RHOJ: variants seen among roughly 807,000 people sequenced by gnomAD.
RHOJ encodes ras homolog family member J, also known as rho-related GTP-binding protein RhoJ.
RHOJ carries 11 observed loss-of-function variants against 23.4 expected under a neutral mutation model. That is an observed-to-expected ratio of 0.47 (90% CI 0.30 to 0.78). The LOEUF (loss-of-function observed/expected upper bound fraction) is 0.78. Among genes scored for constraint, RHOJ ranks in the 30% least tolerant of loss-of-function variants. The pLI, the probability that RHOJ is intolerant of heterozygous loss-of-function variation, is 0.08. For synonymous variants in RHOJ, 102 were observed against 102.7 expected (o/e 0.99, Z 0.04); for missense variants, 254 against 273.4 (o/e 0.93, Z 0.50).
intron 1 of RHOJ, among the ~76,000 whole-genome samples, chr14:63,207,850 T>C (rs1025503422): frequency 6.6e-6 from 1 of 152,192 alleles, no homozygotes; most frequent in Non-Finnish European, 1.5e-5. Context: ...GTGATTAACA[T>C]ATGTAAAGTT....
At chr14:63,253,277 A>C (rs900306877) in intron 1 of RHOJ, among the ~76,000 whole-genome samples, 2 of 151,912 alleles carry the variant, frequency 1.3e-5, no homozygotes, top group African/African-American at 4.8e-5. Flanking sequence ...GCTTTAGATA[A>C]TTTTTTTTAG....
chr14:63,274,091 G>T (rs563421766), intron 2 of RHOJ, among the ~76,000 whole-genome samples: 79 of 152,286 alleles, frequency 5.2e-4, no homozygotes, highest in African/African-American at 1.8e-3. Context: ...AAGGAAGCAC[G>T]CAACCAAGCA....
chr14:63,246,129 T>A (rs564910314), intron 1 of RHOJ, among the ~76,000 whole-genome samples: 28 of 152,276 alleles, frequency 1.8e-4, no homozygotes, highest in African/African-American at 5.8e-4. Context: ...CACAACCCCA[T>A]GTCTGGTTCC....
chr14:63,240,036 T>G (rs899767827), intron 1 of RHOJ, among the ~76,000 whole-genome samples: 1 of 152,214 alleles, frequency 6.6e-6, no homozygotes, highest in African/African-American at 2.4e-5. Flanking sequence ...ATTTTTATAT[T>G]TTATTTCACA....
chr14:63,244,494 C>A (rs982651508), intron 1 of RHOJ, among the ~76,000 whole-genome samples: 5 of 152,066 alleles, frequency 3.3e-5, no homozygotes, highest in Non-Finnish European at 5.9e-5. Context: ...AGCAGAATCG[C>A]TTGAACTCGG....
chr14:63,235,054 T>G (rs759402033), intron 1 of RHOJ, among the ~76,000 whole-genome samples: 7 of 152,202 alleles, frequency 4.6e-5, no homozygotes, highest in Non-Finnish European at 1.0e-4. Flanking sequence ...GTTTCTATGC[T>G]AAGGTGAAAG....
intron 2 of RHOJ, among the ~76,000 whole-genome samples, chr14:63,274,426 T>A (rs953237086): frequency 6.6e-6 from 1 of 152,164 alleles, no homozygotes; most frequent in Admixed American, 6.5e-5. Context: ...CCCCAAATTA[T>A]GAAAAAGAGA....
At chr14:63,230,656 A>C (rs60078514) in intron 1 of RHOJ, among the ~76,000 whole-genome samples, 6,203 of 151,470 alleles carry the variant, frequency 0.041, 439 homozygotes, top group African/African-American at 0.14. Flanking sequence ...TTTTCAGTAG[A>C]ATTTATCACT....
intron 1 of RHOJ, among the ~76,000 whole-genome samples, chr14:63,253,132 G>A (rs1254391244): frequency 1.3e-5 from 2 of 152,140 alleles, no homozygotes; most frequent in African/African-American, 4.8e-5. Context: ...TCATTCTCAA[G>A]GTCATGCAAG....
At chr14:63,270,425 G>T (rs1196229164) in intron 2 of RHOJ, among the ~76,000 whole-genome samples, 2 of 152,098 alleles carry the variant, frequency 1.3e-5, no homozygotes, top group Non-Finnish European at 2.9e-5. Flanking sequence ...GCCTGTTTTG[G>T]TAAGCTACCG....
intron 1 of RHOJ, among the ~76,000 whole-genome samples, chr14:63,225,106 T>C (rs1594755426): frequency 6.6e-6 from 1 of 151,976 alleles, no homozygotes; most frequent in African/African-American, 2.4e-5. Flanking sequence ...CGCCCGCCAC[T>C]ACACCCGTCT....
At chr14:63,220,255 T>G (rs1894459890) in intron 1 of RHOJ, among the ~76,000 whole-genome samples, 1 of 152,166 alleles carries the variant, frequency 6.6e-6, no homozygotes, top group Non-Finnish European at 1.5e-5. Context: ...TTTGTTCTGC[T>G]AGGATTCATT....
chr14:63,281,737 T>A (rs1323068883), intron 3 of RHOJ, among the ~76,000 whole-genome samples: 1 of 152,198 alleles, frequency 6.6e-6, no homozygotes, highest in Non-Finnish European at 1.5e-5. Context: ...CTAATCAATT[T>A]CCATAGTTTG....
chr14:63,217,223 G>T, intron 1 of RHOJ, among the ~76,000 whole-genome samples: 1 of 146,856 alleles, frequency 6.8e-6, no homozygotes, highest in Non-Finnish European at 1.5e-5. Context: ...ATCTCCCAAT[G>T]CTATCCCTCC....
Position 63,205,067 on chromosome 14 carries a change from T to C in RHOJ, c.178+20T>C. The stretch of plus-strand genomic sequence containing the variant: ...ATGCAGGTAAGAAAAAGTGGGAAAC[T>C]CTCTGCATCCAGACAAACGATGCAG... On this transcript the variant is annotated intron_variant, in intron 1 of 4. Transcript: ENST00000316754. 1 of 1,606,284 alleles carries C rather than the reference T, an allele frequency of 6.2e-7. No homozygotes were observed. Among genetic ancestry groups the C allele is most frequent in the Non-Finnish European group, 8.5e-7 (1 of 1,175,384 alleles).
intron 1 of RHOJ, among the ~76,000 whole-genome samples, chr14:63,223,579 A>G (rs17824323): frequency 0.13 from 19,775 of 152,186 alleles, 1,500 homozygotes; most frequent in East Asian, 0.33. Flanking sequence ...TCATTAGTTC[A>G]GAGCTGGGAA....
At chr14:63,233,703 A>C (rs1894737266) in intron 1 of RHOJ, among the ~76,000 whole-genome samples, 1 of 152,164 alleles carries the variant, frequency 6.6e-6, no homozygotes. Flanking sequence ...CTCCATTCCT[A>C]CTGTCACTGA....
At chr14:63,284,226 A>G in intron 4 of RHOJ, 2 of 985,254 alleles carry the variant, frequency 2.0e-6, no homozygotes, top group Non-Finnish European at 2.4e-6. Flanking sequence ...ACTAAGCATG[A>G]TACACTCAAC....
chr14:63,245,035 A>G (rs1894951940), intron 1 of RHOJ, among the ~76,000 whole-genome samples: 1 of 152,222 alleles, frequency 6.6e-6, no homozygotes, highest in Non-Finnish European at 1.5e-5. Flanking sequence ...TGCTGGCTAT[A>G]TGACCCTCTC....
Sources: allele counts gnomAD v4.1 joint callset (sites outside exome capture counted in the v4.1 genomes callset), GRCh38; gene constraint gnomAD v4.1.1; transcripts MANE v1.5; gene names NCBI Gene and HGNC (gene_info 2026-07-23, HGNC 2026-07-21).